The following ZNF20 variants were observed in gnomAD, a reference collection of about 807,000 sequenced individuals.
ZNF20 encodes the protein zinc finger protein KOX13.
A neutral mutation model predicts 11.0 loss-of-function variants in ZNF20; 9 were observed. The observed-to-expected ratio is 0.82, with a 90% CI of 0.49 to 1.43. The LOEUF is 1.43. Among genes scored for constraint, ZNF20 ranks in the 40% most tolerant of loss-of-function variants. The pLI is 0.00. For missense variants in ZNF20, 528 were observed against 640.8 expected (o/e 0.82, Z 1.90); for synonymous variants, 182 against 213.0 (o/e 0.85, Z 1.27).
Position 12,133,361 on chromosome 19 carries a change from C to A in ZNF20, c.825G>T (p.Arg275Ser). Residue 275 changes from arginine (R) to serine (S), a missense_variant, in exon 4 of 4, where the codon AGG becomes AGT. By Grantham distance (110) the Arg-to-Ser change is moderately radical. Transcript: ENST00000334213. ...CATAGGGTTTTTCTCCAGTGTGAGA[C>A]CTTTTATGTCTACGAATTTCACTAG... ...SFPSEIRRHK[R>S]SHTGEKPYEC... 1.2e-6 allele frequency: 2 copies of A among 1,614,212 alleles called. No homozygotes were observed. Among genetic ancestry groups the A allele is most frequent in the South Asian group, 1.1e-5 (1 of 91,086 alleles).
Position 12,131,632 on chromosome 19 carries a change from C to T in ZNF20, c.*955G>A, listed in dbSNP as rs566211557. ...TATGCCTGACATCCACATGGCAACA[C>T]TGACTCACAGTGACCACCGGATAAC... On this transcript the variant is annotated 3_prime_UTR_variant, in exon 4 of 4. Coordinates refer to ENST00000334213, the MANE Select transcript of ZNF20 (RefSeq NM_021143.4). 1 of 152,320 alleles carries T rather than the reference C, an allele frequency of 6.6e-6. No homozygotes were observed. Among genetic ancestry groups the T allele is most frequent in the East Asian group, 1.9e-4 (1 of 5,180 alleles). 9.4% of individuals were successfully genotyped at this position (152,320 alleles called of 1,614,324 possible). A position where few individuals can be genotyped will look rare whatever the true frequency, so the allele number is the denominator to read the frequency against.
In ZNF20 at chr19:12,134,017, C is replaced by T. The variant is rs368338415; in HGVS notation, c.201-32G>A. On this transcript the variant is annotated intron_variant, in intron 3 of 3. Transcript: ENST00000334213. ...TGAAAAATGAGAAGCACATTATTAACGGTTTGATTAAAAGTGACTTATAGG... is the reference window on the plus strand; with the variant it reads ...TGAAAAATGAGAAGCACATTATTAATGGTTTGATTAAAAGTGACTTATAGG... 3.8e-5 allele frequency: 60 copies of T among 1,564,350 alleles called. No homozygotes were observed. The Admixed American group carries it at 5.3e-4, about 14-fold the overall frequency.
At position 12,140,326 on chromosome 19, in the gene ZNF20, CT is replaced by C; in HGVS notation, c.-145del. ...GGAAATCTGGTATCCCGACAACAAC[CT>C]GCATAGCAACAAAAGTAGAAGCTGG... On this transcript the variant is annotated 5_prime_UTR_variant, in exon 1 of 4. It removes the in-frame stop codon of an upstream open reading frame in the 5' UTR. Transcript: ENST00000334213. 9.4e-7 allele frequency: 1 copy of C among 1,063,290 alleles called. No homozygotes were observed. The highest frequency in any genetic ancestry group is 1.4e-6 in the Non-Finnish European group (1 of 704,738). 65.9% of individuals were successfully genotyped at this position (1,063,290 alleles called of 1,614,324 possible).
At chr19:12,138,935 C>T (rs749003455) in intron 1 of ZNF20, among the ~76,000 whole-genome samples, 4 of 152,090 alleles carry the variant, frequency 2.6e-5, no homozygotes, top group Non-Finnish European at 4.4e-5. Flanking sequence ...AGAGTTAGGG[C>T]GGGGTAGCAG....
At position 12,133,815 on chromosome 19, in the gene ZNF20, A is replaced by C; in HGVS notation, c.371T>G (p.Ile124Ser). The change falls in exon 4 of 4, where the codon ATC (isoleucine) becomes AGC (serine). Residue 124 changes from isoleucine (I) to serine (S), a missense_variant. Physicochemically the swap from Ile to Ser is moderately radical, Grantham distance 142 (BLOSUM62 -2). Coordinates refer to ENST00000334213, the MANE Select transcript of ZNF20 (RefSeq NM_021143.4). ...GTGHSSLNTH[I>S]RADTGHKSSE... ...TGACTTGTGTCCAGTGTCAGCTCTG[A>C]TATGCGTATTAAGAGATGAATGACC... is the stretch of plus-strand genomic sequence containing the variant. 6.2e-7 allele frequency: 1 copy of C among 1,614,128 alleles called. No homozygotes were observed. The highest frequency in any genetic ancestry group is 1.1e-5 in the South Asian group (1 of 91,086).
chr19:12,140,168 C>T lies in ZNF20; in HGVS notation c.3+12G>A. 6.2e-7 allele frequency: 1 copy of T among 1,601,242 alleles called. No individual in the cohort carries two copies. Among genetic ancestry groups the T allele is most frequent in the Non-Finnish European group, 8.5e-7 (1 of 1,173,678 alleles). On this transcript the variant is annotated intron_variant, in intron 1 of 3. Coordinates refer to ENST00000334213, the MANE Select transcript of ZNF20 (RefSeq NM_021143.4). ...CCTCCCCCGTCTGGGGACTCCGGCC[C>T]CATACACTCACCATTTCCCGGCTTC...
Position 12,134,668 on chromosome 19 carries a change from T to C in ZNF20, c.201-683A>G, listed in dbSNP as rs574348318. Among the ~76,000 whole-genome samples the C allele has an allele frequency of 3.3e-5, 5 of 152,260 alleles. No homozygotes were observed. The South Asian group carries it at 8.3e-4, about 25-fold the overall frequency. On this transcript the variant is annotated intron_variant, in intron 3 of 3. Coordinates refer to ENST00000334213, the MANE Select transcript of ZNF20 (RefSeq NM_021143.4). ...CAAAAAAGAAGAAAAAAACATGATT[T>C]ATATCATTAACAACTATTGCACTTG...
At chr19:12,136,316 C>T (rs998101505) in intron 1 of ZNF20, among the ~76,000 whole-genome samples, 1 of 151,976 alleles carries the variant, frequency 6.6e-6, no homozygotes, top group Non-Finnish European at 1.5e-5. Flanking sequence ...GTAGAGGTTA[C>T]AGTGGGCCGA....
In ZNF20 at chr19:12,135,724, G is replaced by A. The variant is rs200963867; in HGVS notation, c.139+45C>T. 6.8e-6 allele frequency: 11 copies of A among 1,608,180 alleles called. No homozygotes were observed. The East Asian group carries it at 2.2e-4, about 33-fold the overall frequency. The stretch of plus-strand genomic sequence containing the variant: ...AATGAACAGCATTGATGAGCTAGAA[G>A]CATTTGTTCTCTAATTCACTGGGAA... On this transcript the variant is annotated intron_variant, in intron 2 of 3. Coordinates refer to ENST00000334213, the MANE Select transcript of ZNF20 (RefSeq NM_021143.4).
At chr19:12,138,587 CAG>C (rs1209149692) in intron 1 of ZNF20, among the ~76,000 whole-genome samples, 3 of 151,658 alleles carry the variant, frequency 2.0e-5, no homozygotes, top group Non-Finnish European at 4.4e-5. Context: ...TGTTCAGAAA[CAG>C]AACACAAATA....
chr19:12,139,175 C>T lies in ZNF20; in HGVS notation c.3+1005G>A, dbSNP rs1012710440. On this transcript the variant is annotated intron_variant, in intron 1 of 3. Coordinates refer to ENST00000334213, the MANE Select transcript of ZNF20 (RefSeq NM_021143.4). This position sits in a 1 kb window ranked among gnomAD's most constrained non-coding sequence, Gnocchi z 4.0. ...CAGCTATGAAAGGAAATACCTACTC[C>T]ATAGGGCGTAAGCCAAGTAAATGAT... is the stretch of plus-strand genomic sequence containing the variant. Among the ~76,000 whole-genome samples, 3 of 152,232 alleles carry T rather than the reference C, an allele frequency of 2.0e-5. No homozygotes were observed. Among genetic ancestry groups the T allele is most frequent in the East Asian group, 1.9e-4 (1 of 5,196 alleles).
chr19:12,132,752 G>C lies in ZNF20; in HGVS notation c.1434C>G (p.Pro478=). The C allele has an allele frequency of 6.2e-7, 1 of 1,614,026 alleles. No homozygotes were observed. The highest frequency in any genetic ancestry group is 1.3e-5 in the African/African-American group (1 of 74,978). Residue 478 remains proline (P), a synonymous_variant, in exon 4 of 4, where the codon CCC becomes CCG. Coordinates refer to ENST00000334213, the MANE Select transcript of ZNF20 (RefSeq NM_021143.4). ...YHERTHTGEK[P]YECKHCGKAF... Reference sequence around the variant, plus strand: ...CCTTACCACAGTGCTTACATTCATAGGGTTTCTCTCCAGTGTGAGTCCTTT... The same window carrying C: ...CCTTACCACAGTGCTTACATTCATACGGTTTCTCTCCAGTGTGAGTCCTTT...
chr19:12,137,779 G>C (rs1976735978), intron 1 of ZNF20: 1 of 152,422 alleles, frequency 6.6e-6, no homozygotes, highest in South Asian at 2.1e-4. Flanking sequence ...TGGCTTTGTT[G>C]AGATGACTCT....
chr19:12,134,516 G>A (rs919641566), intron 3 of ZNF20, among the ~76,000 whole-genome samples: 7 of 151,976 alleles, frequency 4.6e-5, no homozygotes, highest in Non-Finnish European at 8.8e-5. Context: ...GACGGCGTGC[G>A]CTTGTAATCC....
chr19:12,132,709 T>C lies in ZNF20; in HGVS notation c.1477A>G (p.Ile493Val). The change falls in exon 4 of 4, where the codon ATT becomes GTT. Residue 493 changes from isoleucine to valine, a missense_variant. By Grantham distance (29) the Ile-to-Val change is conservative. Coordinates refer to ENST00000334213, the MANE Select transcript of ZNF20 (RefSeq NM_021143.4). The stretch of plus-strand genomic sequence containing the variant: ...GTGTGAGTCCTTTCATGATATCGAA[T>C]GTAATTGGAAATAAAGGCCTTACCA... ...HCGKAFISNY[I>V]RYHERTHTGE... 2 of 1,613,614 alleles carry C rather than the reference T, an allele frequency of 1.2e-6. No homozygotes were observed. The highest frequency in any genetic ancestry group is 1.7e-6 in the Non-Finnish European group (2 of 1,179,876).
In ZNF20 at chr19:12,132,436, G is replaced by A. The variant is rs758725115; in HGVS notation, c.*151C>T. On this transcript the variant is annotated 3_prime_UTR_variant, in exon 4 of 4. Transcript: ENST00000334213. ...TGAATTGTATTACGAAACCATCCAA[G>A]TTCTTCTAGATTTTATTGTCCTATC... 4 of 773,416 alleles carry A rather than the reference G, an allele frequency of 5.2e-6. No homozygotes were observed. The highest frequency in any genetic ancestry group is 8.1e-6 in the Non-Finnish European group (4 of 494,560). The allele number at this position is 773,416 out of a possible 1,614,324, so 47.9% of individuals were successfully genotyped here.
Position 12,135,862 on chromosome 19 carries a change from A to G in ZNF20, c.46T>C (p.Phe16Leu). ...SVAFEDVAVS[F>L]TQEEWALLDP... ...AGCAAAGCCCACTCCTCCTGGGTGA[A>G]GCTGACAGCCACATCCTCAAAGGCC... is the stretch of plus-strand genomic sequence containing the variant. Residue 16 changes from phenylalanine to leucine, a missense_variant, in exon 2 of 4, where the codon TTC becomes CTC. Coordinates refer to ENST00000334213, the MANE Select transcript of ZNF20 (RefSeq NM_021143.4). 6.2e-7 allele frequency: 1 copy of G among 1,614,158 alleles called. No homozygotes were observed. The highest frequency in any genetic ancestry group is 8.5e-7 in the Non-Finnish European group (1 of 1,180,022).
rs1208777138 is a variant in ZNF20 at position 12,133,340 on chromosome 19, G to A, written c.846C>T (p.Pro282=). The change falls in exon 4 of 4, where the codon CCC becomes CCT. Residue 282 remains proline, a synonymous_variant. Transcript: ENST00000334213. The part of the protein sequence containing the change: ...RHKRSHTGEK[P]YECKQCGKVF... ...CTTTCCCACATTGCTTACACTCATA[G>A]GGTTTTTCTCCAGTGTGAGACCTTT... is the stretch of plus-strand genomic sequence containing the variant. 5.6e-6 allele frequency: 9 copies of A among 1,614,196 alleles called. No homozygotes were observed. The highest frequency in any genetic ancestry group is 7.6e-6 in the Non-Finnish European group (9 of 1,180,028).
At chr19:12,137,613 A>C (rs942053977) in intron 1 of ZNF20, 1 of 152,410 alleles carries the variant, frequency 6.6e-6, no homozygotes, top group Non-Finnish European at 1.5e-5. Context: ...CCTGGACCCC[A>C]AGAAAAACTC....
Sources: gnomAD v4.1 joint callset for allele counts (sites outside exome capture counted in the v4.1 genomes callset) on GRCh38, gnomAD v4.1.1 for gene constraint, Gnocchi (gnomAD v3.1) non-coding constraint, MANE v1.5 for transcripts, NCBI Gene and HGNC (gene_info 2026-07-23, HGNC 2026-07-21) for gene names.